KRT73: variants seen among roughly 807,000 people sequenced by gnomAD.
KRT73 encodes the protein keratin, type II cytoskeletal 73.
In KRT73, 44 loss-of-function variants were observed where a neutral mutation model predicts 47.2. The ratio of observed to expected loss-of-function variants is 0.93; its 90% CI spans 0.73 to 1.20. KRT73 has a LOEUF of 1.20. KRT73 is among the 50% of genes most tolerant of loss of function. KRT73 has a pLI of 0.00. For missense variants in KRT73, 713 were observed against 704.5 expected (o/e 1.01, Z -0.14); for synonymous variants, 285 against 291.3 (o/e 0.98, Z 0.22).
At chr12:52,617,953 T>C in intron 1 of KRT73, 125 bp downstream of exon 1, 1 of 1,093,294 alleles carries the variant, frequency 9.1e-7, no homozygotes, top group Non-Finnish European at 1.3e-6. Flanking sequence ...TTACCTGGTG[T>C]CTGATTTTGC....
chr12:52,616,453 G>C (rs1940816481), intron 1 of KRT73, 73 bp from the exon 2 acceptor site: 2 of 1,572,012 alleles, frequency 1.3e-6, no homozygotes, highest in South Asian at 1.1e-5. Flanking sequence ...GACAGGAACT[G>C]TGTTTTCTTA....
chr12:52,614,607 A>G lies in KRT73; in HGVS notation c.791T>C (p.Ile264Thr), dbSNP rs1313712682. Reference sequence around the variant, plus strand: ...CTCGTACAGACACTTGAAGAACTTGATTTCTCCATCCAGGGCATCCACCTT... The same window carrying G: ...CTCGTACAGACACTTGAAGAACTTGGTTTCTCCATCCAGGGCATCCACCTT... ...QAKVDALDGE[I>T]KFFKCLYEGE... The change falls in exon 4 of 9, where the codon ATC becomes ACC. Residue 264 changes from isoleucine (I) to threonine (T), a missense_variant. By Grantham distance (89) the Ile-to-Thr change is moderately conservative. Transcript: ENST00000305748. The G allele has an allele frequency of 6.2e-7, 1 of 1,613,814 alleles. No individual in the cohort carries two copies. Among genetic ancestry groups the G allele is most frequent in the Non-Finnish European group, 8.5e-7 (1 of 1,179,922 alleles).
the KRT73 span, among the ~76,000 whole-genome samples, chr12:52,623,978 A>G: frequency 6.6e-6 from 1 of 152,016 alleles, no homozygotes; most frequent in Non-Finnish European, 1.5e-5. Context: ...ATATATCAAT[A>G]ATTATGTTAA....
At chr12:52,611,378 G>C (rs1367771261) in intron 5 of KRT73, 49 bp from the exon 6 acceptor site, 2 of 1,609,740 alleles carry the variant, frequency 1.2e-6, no homozygotes, top group Admixed American at 1.7e-5. Context: ...GGCTTGGCTG[G>C]GATCAGCCTG....
At chr12:52,622,574 C>G (rs1488816169), upstream of KRT73, among the ~76,000 whole-genome samples, 1 of 152,226 alleles carries the variant, frequency 6.6e-6, no homozygotes, top group Non-Finnish European at 1.5e-5. Context: ...GAGGCAGTGA[C>G]AGCATGAACA....
chr12:52,628,839 T>C, the KRT73 span, among the ~76,000 whole-genome samples: 120,398 of 152,170 alleles, frequency 0.79, 48,555 homozygotes, highest in African/African-American at 0.95. Flanking sequence ...CACATTGCCA[T>C]AGAAGACAAA....
chr12:52,630,445 T>C, the KRT73 span, among the ~76,000 whole-genome samples: 1 of 152,288 alleles, frequency 6.6e-6, no homozygotes, highest in African/African-American at 2.4e-5. Context: ...TACCTTGCCC[T>C]TCTGCTCTGC....
the KRT73 span, among the ~76,000 whole-genome samples, chr12:52,630,199 G>C: frequency 0.3 from 46,350 of 152,086 alleles, 7,453 homozygotes; most frequent in African/African-American, 0.4. Flanking sequence ...GAAGCCTGAG[G>C]CACATTTCAG....
chr12:52,627,908 T>C, the KRT73 span, among the ~76,000 whole-genome samples: 2 of 151,872 alleles, frequency 1.3e-5, no homozygotes, highest in Non-Finnish European at 2.9e-5. Flanking sequence ...TGAACATGTG[T>C]GTGTGTGTGT....
chr12:52,608,063 AAGG>A lies in KRT73; in HGVS notation c.*130_*132del. On this transcript the variant is annotated 3_prime_UTR_variant, in exon 9 of 9. Coordinates refer to ENST00000305748, the MANE Select transcript of KRT73 (RefSeq NM_175068.3). ...AGACTGAGGCAGAGAGGTCAAGGAG[AAGG>A]AGGAGAGGTCCACAGCAAAGCAAAG... 1 of 906,768 alleles carries A rather than the reference AAGG, an allele frequency of 1.1e-6. No individual in the cohort carries two copies. The highest frequency in any genetic ancestry group is 1.7e-6 in the Non-Finnish European group (1 of 598,192). The allele number at this position is 906,768 out of a possible 1,614,324, so 56.2% of individuals were successfully genotyped here.
intron 1 of KRT73, 121 bp downstream of exon 1, chr12:52,617,957 A>T (rs1175048912): frequency 8.7e-7 from 1 of 1,155,398 alleles, no homozygotes; most frequent in Non-Finnish European, 1.2e-6. Context: ...CTGGTGTCTG[A>T]TTTTGCTGGG....
rs558039765 is a variant in KRT73, at chr12:52,616,176, A to G, written c.652T>C (p.Tyr218His). The G allele has an allele frequency of 6.2e-7, 1 of 1,614,028 alleles. No individual in the cohort carries two copies. Among genetic ancestry groups the G allele is most frequent in the South Asian group, 1.1e-5 (1 of 91,056 alleles). ...TGGCGTCCTGCTCACCTCTTCTTGT[A>G]GTCCTCCACCACTTCGCGCACGCTC... ...LRSVREVVED[Y>H]KKRYEEEINK... Residue 218 changes from tyrosine (Y) to histidine (H), a missense_variant, in exon 2 of 9, where the codon TAC (tyrosine) becomes CAC (histidine). Transcript: ENST00000305748.
chr12:52,621,299 G>T (rs111998155), upstream of KRT73, among the ~76,000 whole-genome samples: 67 of 145,232 alleles, frequency 4.6e-4, 1 homozygote, highest in Middle Eastern at 0.011. Context: ...AAGGGGGGGG[G>T]GGGGAGAGAG....
Position 52,618,344 on chromosome 12 carries a change from C to T in KRT73, c.181G>A (p.Val61Met), listed in dbSNP as rs35417182. Residue 61 changes from valine (V) to methionine (M), a missense_variant, in exon 1 of 9, where the codon GTG (valine) becomes ATG (methionine). Coordinates refer to ENST00000305748, the MANE Select transcript of KRT73 (RefSeq NM_175068.3). The part of the protein sequence containing the change: ...LGGARSISFN[V>M]ASGSGWAGGY... ...CCTGCCCACCCACTGCCACTGGCCACATTGAAAGAGATGCTCCGGGCACCC... is the reference window on the plus strand; with the variant it reads ...CCTGCCCACCCACTGCCACTGGCCATATTGAAAGAGATGCTCCGGGCACCC... 77,129 of 1,614,150 alleles carry T rather than the reference C, an allele frequency of 0.048. 2,732 individuals are homozygous for T. The highest frequency in any genetic ancestry group is 0.17 in the African/African-American group (12,878 of 75,008).
At chr12:52,623,070 A>C (rs1264522078), upstream of KRT73, among the ~76,000 whole-genome samples, 1 of 152,224 alleles carries the variant, frequency 6.6e-6, no homozygotes, top group Non-Finnish European at 1.5e-5. Flanking sequence ...AAATAACTCA[A>C]AGAAATAAGG....
upstream of KRT73, among the ~76,000 whole-genome samples, chr12:52,619,133 C>G (rs1351453272): frequency 2.0e-5 from 3 of 152,246 alleles, no homozygotes; most frequent in Non-Finnish European, 4.4e-5. Flanking sequence ...CCCTCCCAGG[C>G]AGCTCTCCTG....
At chr12:52,624,097 T>C in the KRT73 span, among the ~76,000 whole-genome samples, 1 of 151,980 alleles carries the variant, frequency 6.6e-6, no homozygotes, top group Admixed American at 6.5e-5. Flanking sequence ...ACTATAAGTG[T>C]CTAGATTAAC....
At chr12:52,610,937 T>A in intron 6 of KRT73, 102 bp from the exon 7 acceptor site, 3 of 1,096,424 alleles carry the variant, frequency 2.7e-6, no homozygotes, top group Non-Finnish European at 3.9e-6. Context: ...CTGCCCCATG[T>A]CCTGGAGCAG....
chr12:52,610,029 TGTAA>T (rs1387361798), intron 7 of KRT73: 1 of 157,822 alleles, frequency 6.3e-6, no homozygotes, highest in Non-Finnish European at 1.4e-5. Context: ...AGGGGATATT[TGTAA>T]GTGTCTGAGA....
Sources: gnomAD v4.1 joint callset for allele counts (sites outside exome capture counted in the v4.1 genomes callset) on GRCh38, gnomAD v4.1.1 for gene constraint, MANE v1.5 for transcripts, NCBI Gene and HGNC (gene_info 2026-07-23, HGNC 2026-07-21) for gene names.